Variants in RNF212 observed in about 807,000 individuals in gnomAD.
The protein encoded by RNF212 is probable E3 SUMO-protein ligase RNF212.
In RNF212, 33 loss-of-function variants were observed where a neutral mutation model predicts 34.7. That is an observed-to-expected ratio of 0.95 (90% confidence interval 0.72 to 1.27). RNF212 has a LOEUF of 1.27. RNF212 is among the 50% of genes most tolerant of loss of function. The pLI, the probability that RNF212 is intolerant of heterozygous loss-of-function variation, is 0.00. For synonymous variants in RNF212, 140 were observed against 136.1 expected, an observed-to-expected ratio of 1.03 and a Z score of -0.20; for missense variants, 377 against 362.2, an observed-to-expected ratio of 1.04 and a Z score of -0.33.
At chr4:1,095,502 C>G (rs1722935589) in intron 3 of RNF212, among the ~76,000 whole-genome samples, 1 of 82,794 alleles carries the variant, frequency 1.2e-5, no homozygotes, top group Non-Finnish European at 2.5e-5. Flanking sequence ...ATCACAGAAC[C>G]AAGCACAACT....
intron 2 of RNF212, among the ~76,000 whole-genome samples, chr4:1,102,329 A>G (rs1180620671): frequency 6.6e-6 from 1 of 152,230 alleles, no homozygotes; most frequent in Non-Finnish European, 1.5e-5. Flanking sequence ...CAGGCATACT[A>G]AAGTTCCACA....
intron 8 of RNF212, among the ~76,000 whole-genome samples, chr4:1,075,882 C>T (rs889536755): frequency 2.6e-5 from 4 of 152,010 alleles, no homozygotes; most frequent in Non-Finnish European, 5.9e-5. Context: ...AGGCTGGTCT[C>T]AAACTCTTGG....
chr4:1,069,659 T>C (rs1718317071), downstream of RNF212, among the ~76,000 whole-genome samples: 1 of 152,208 alleles, frequency 6.6e-6, no homozygotes, highest in Admixed American at 6.5e-5. Flanking sequence ...TGTGCTCCGA[T>C]GTGATGTGCT....
intron 4 of RNF212, 53 bp from the exon 5 acceptor site, chr4:1,086,007 T>C (rs1433364143): frequency 3.9e-6 from 5 of 1,283,258 alleles, no homozygotes; most frequent in Non-Finnish European, 5.7e-6. Context: ...CTGAGTGACA[T>C]GTGACCCTCT....
At chr4:1,108,311 T>C in intron 2 of RNF212, 32 bp downstream of exon 2, 1 of 1,371,860 alleles carries the variant, frequency 7.3e-7, no homozygotes, top group Non-Finnish European at 9.8e-7. Flanking sequence ...ATGACTGTGA[T>C]TAAGATGCAG....
chr4:1,081,789 C>T (rs1489759163), intron 5 of RNF212, 170 bp from the exon 6 acceptor site: 12 of 601,638 alleles, frequency 2.0e-5, no homozygotes, highest in Admixed American at 5.6e-5. Flanking sequence ...GTGAGTCGCA[C>T]GGCCCTGCTC....
intron 4 of RNF212, chr4:1,056,923 G>A (rs1717360814): frequency 1.0e-6 from 1 of 988,016 alleles, no homozygotes; most frequent in Non-Finnish European, 1.2e-6. Context: ...AGCTTGGAGA[G>A]TCCCCTCTTC....
intron 1 of RNF212, among the ~76,000 whole-genome samples, chr4:1,108,820 T>C (rs1373286606): frequency 6.6e-6 from 1 of 152,078 alleles, no homozygotes; most frequent in East Asian, 1.9e-4. Context: ...CCTCTCAGCC[T>C]CCCTGAGTAG....
chr4:1,056,875 G>T, intron 4 of RNF212: 1 of 987,966 alleles, frequency 1.0e-6, no homozygotes, highest in Non-Finnish European at 1.2e-6. Context: ...GGATGCTGAT[G>T]GGCGGCCGGG....
At chr4:1,093,343 TAAC>T (rs1167889656) in intron 3 of RNF212, 13 of 1,090,094 alleles carry the variant, frequency 1.2e-5, no homozygotes, top group Non-Finnish European at 1.6e-5. Flanking sequence ...CATTTAAAAA[TAAC>T]AATAAATCCA....
rs140128337 is a variant in RNF212 at position 1,096,832 on chromosome 4, G to A, written c.179C>T (p.Ala60Val). 6.8e-5 allele frequency: 110 copies of A among 1,610,316 alleles called. 2 individuals are homozygous for A. The South Asian group carries it at 8.2e-4, about 12-fold the overall frequency. Reference protein sequence around the residue: ...RTVLLSKHTDADIQAFFMSID... With the variant: ...RTVLLSKHTDVDIQAFFMSID... ...GCTCATGAAGAATGCCTGGATATCT[G>A]CGTCGGTCTGAAAGAGAAAGAAATG... The change falls in exon 3 of 10, where the codon GCA becomes GTA. Residue 60 changes from alanine (A) to valine (V), a missense_variant. Coordinates refer to ENST00000433731, the MANE Select transcript of RNF212 (RefSeq NM_001131034.4).
At position 1,093,321 on chromosome 4, in the gene RNF212, T is replaced by C. The variant is rs956442251; in HGVS notation, c.247-2483A>G. 1.2e-5 allele frequency: 12 copies of C among 978,192 alleles called. No individual in the cohort carries two copies. In the Admixed American group the frequency reaches 2.9e-4, roughly 23 times the overall value. The allele number at this position is 978,192 out of a possible 1,614,324, so 60.6% of individuals were successfully genotyped here. A position where few individuals can be genotyped will look rare whatever the true frequency, so the allele number is the denominator to read the frequency against. On this transcript the variant is annotated intron_variant, in intron 3 of 9. Transcript: ENST00000433731. ...ATTAAGACTGAGACAAATCTAAAAG[T>C]ATTTATTAATTCATTTAAAAATAAC...
chr4:1,112,737 CCCCTTCCTGCCTGCGGA>C (rs1162948933), intron 1 of RNF212, among the ~76,000 whole-genome samples: 2 of 136,010 alleles, frequency 1.5e-5, no homozygotes, highest in Non-Finnish European at 3.2e-5. Context: ...CCCTCCACGG[CCCCTTCCTGCCTGCGGA>C]CCCTCCCCCA....
At chr4:1,077,973 C>G (rs1407506384) in intron 8 of RNF212, among the ~76,000 whole-genome samples, 1 of 152,190 alleles carries the variant, frequency 6.6e-6, no homozygotes, top group African/African-American at 2.4e-5. Flanking sequence ...TGCCAAGGAA[C>G]TGGCGTTTCT....
chr4:1,072,783 T>A lies in RNF212; in HGVS notation c.*91A>T. Reference sequence around the variant, plus strand: ...TGCACACTGAGGGCTTCCACATAAATGACAAAGGAATAAAGCAGATAATTT... The same window carrying A: ...TGCACACTGAGGGCTTCCACATAAAAGACAAAGGAATAAAGCAGATAATTT... On this transcript the variant is annotated 3_prime_UTR_variant, in exon 10 of 10. Transcript: ENST00000433731. The A allele has an allele frequency of 6.8e-7, 1 of 1,466,512 alleles. No homozygotes were observed. The highest frequency in any genetic ancestry group is 9.0e-7 in the Non-Finnish European group (1 of 1,108,064). 90.8% of individuals were successfully genotyped at this position (1,466,512 alleles called of 1,614,324 possible). A position where few individuals can be genotyped will look rare whatever the true frequency, so the allele number is the denominator to read the frequency against.
At chr4:1,069,961 G>A (rs758184597), downstream of RNF212, among the ~76,000 whole-genome samples, 1 of 152,186 alleles carries the variant, frequency 6.6e-6, no homozygotes, top group Non-Finnish European at 1.5e-5. Flanking sequence ...CAGCGTGGAC[G>A]CCTAGCCTGA....
chr4:1,113,574 A>G (rs1726175886), upstream of RNF212: 2 of 804,156 alleles, frequency 2.5e-6, no homozygotes, highest in South Asian at 2.0e-5. Context: ...CGCCTGCGCA[A>G]AGTCGACGGC....
chr4:1,075,496 A>T (rs2034792672), intron 8 of RNF212, among the ~76,000 whole-genome samples: 2 of 152,158 alleles, frequency 1.3e-5, no homozygotes, highest in Non-Finnish European at 2.9e-5. Flanking sequence ...ACTTTTAACC[A>T]GCCAGATCTC....
At chr4:1,088,645 C>A (rs947868661) in intron 4 of RNF212, among the ~76,000 whole-genome samples, 1 of 152,226 alleles carries the variant, frequency 6.6e-6, no homozygotes, top group Non-Finnish European at 1.5e-5. Flanking sequence ...TGTGAGAGAT[C>A]TTCACAGCAG....
Sources: allele counts gnomAD v4.1 joint callset (sites outside exome capture counted in the v4.1 genomes callset), GRCh38; gene constraint gnomAD v4.1.1; transcripts MANE v1.5; gene names NCBI Gene and HGNC (gene_info 2026-07-23, HGNC 2026-07-21).